Variants in TPST1 observed in about 807,000 individuals in gnomAD.
TPST1 encodes protein-tyrosine sulfotransferase 1.
A neutral mutation model predicts 34.8 loss-of-function variants in TPST1; 20 were observed. The observed-to-expected ratio is 0.57, with a 90% CI of 0.40 to 0.84. TPST1 has a LOEUF of 0.84. TPST1 is among the 40% of genes least tolerant of loss of function. The probability of loss-of-function intolerance (pLI) is 0.00; values close to 1 mark genes in which losing one functional copy is unlikely to be tolerated. For missense variants in TPST1, 353 were observed against 455.5 expected (o/e 0.78, Z 2.05); for synonymous variants, 152 against 159.4 (o/e 0.95, Z 0.35).
At chr7:66,220,898 C>G (rs1789529776) in intron 1 of TPST1, among the ~76,000 whole-genome samples, 1 of 152,102 alleles carries the variant, frequency 6.6e-6, no homozygotes, top group African/African-American at 2.4e-5. Flanking sequence ...TTTGGGAGGC[C>G]AAGGTGGGTA....
At chr7:66,258,450 T>A (rs932719237) in intron 2 of TPST1, among the ~76,000 whole-genome samples, 1 of 152,210 alleles carries the variant, frequency 6.6e-6, no homozygotes, top group Non-Finnish European at 1.5e-5. Flanking sequence ...GTTTGGAGCT[T>A]TGGCAACAGT....
intron 3 of TPST1, among the ~76,000 whole-genome samples, chr7:66,320,598 A>G (rs935463710): frequency 6.7e-6 from 1 of 149,416 alleles, no homozygotes; most frequent in Non-Finnish European, 1.5e-5. Flanking sequence ...GCATGTAGTC[A>G]TAGTTTTTTT....
chr7:66,260,978 C>G (rs1030297892), intron 2 of TPST1, among the ~76,000 whole-genome samples: 1 of 152,184 alleles, frequency 6.6e-6, no homozygotes, highest in South Asian at 2.1e-4. Flanking sequence ...CCAGAATTCT[C>G]TCTGTATACA....
chr7:66,214,652 T>TA (rs1042372580), intron 1 of TPST1, among the ~76,000 whole-genome samples: 4 of 150,462 alleles, frequency 2.7e-5, no homozygotes, highest in Admixed American at 6.6e-5. Context: ...CCCGTCTCTA[T>TA]AAAAAAATAT....
chr7:66,346,141 T>A (rs895652855), intron 3 of TPST1, among the ~76,000 whole-genome samples: 8 of 151,964 alleles, frequency 5.3e-5, no homozygotes, highest in African/African-American at 1.9e-4. Flanking sequence ...CCATCCATGT[T>A]GTTGCAGATG....
chr7:66,275,511 G>A (rs1790790049), intron 2 of TPST1, among the ~76,000 whole-genome samples: 1 of 152,272 alleles, frequency 6.6e-6, no homozygotes, highest in African/African-American at 2.4e-5. Context: ...AGAAAATGCG[G>A]CATACATACA....
At chr7:66,210,758 G>A (rs1789225536) in intron 1 of TPST1, among the ~76,000 whole-genome samples, 1 of 152,170 alleles carries the variant, frequency 6.6e-6, no homozygotes, top group Non-Finnish European at 1.5e-5. Context: ...GAGACCAGGA[G>A]TTTGAGATCA....
chr7:66,284,668 T>C (rs748127775), intron 2 of TPST1, among the ~76,000 whole-genome samples: 8 of 151,352 alleles, frequency 5.3e-5, no homozygotes, highest in Middle Eastern at 3.2e-3. Context: ...GCAATTCTCC[T>C]GCCTCAGCCT....
At chr7:66,270,090 CAAAGG>C in intron 2 of TPST1, among the ~76,000 whole-genome samples, 1 of 152,140 alleles carries the variant, frequency 6.6e-6, no homozygotes, top group East Asian at 1.9e-4. Context: ...AGCAAAGTCT[CAAAGG>C]AGGTGAGGGA....
intron 2 of TPST1, among the ~76,000 whole-genome samples, chr7:66,275,368 C>T: frequency 6.6e-6 from 1 of 152,114 alleles, no homozygotes; most frequent in East Asian, 1.9e-4. Flanking sequence ...AGCAATCCCA[C>T]TACCAGGTAT....
At chr7:66,311,578 C>T (rs115870624) in intron 3 of TPST1, among the ~76,000 whole-genome samples, 9 of 152,082 alleles carry the variant, frequency 5.9e-5, no homozygotes, top group Non-Finnish European at 8.8e-5. Flanking sequence ...TTTAAGGCTT[C>T]GATTATTAAA....
intron 3 of TPST1, among the ~76,000 whole-genome samples, chr7:66,349,352 C>T (rs1472190422): frequency 2.0e-5 from 3 of 152,174 alleles, no homozygotes. Context: ...AGGCGGATCA[C>T]CTGAGGTCAG....
chr7:66,307,674 C>T (rs1237628793), intron 3 of TPST1, among the ~76,000 whole-genome samples: 1 of 152,218 alleles, frequency 6.6e-6, no homozygotes, highest in Non-Finnish European at 1.5e-5. Context: ...TTGGCCTCTC[C>T]TGTTGGCAGG....
intron 5 of TPST1, among the ~76,000 whole-genome samples, chr7:66,357,605 G>T (rs1421119382): frequency 1.3e-5 from 2 of 152,166 alleles, no homozygotes; most frequent in South Asian, 2.1e-4. Context: ...CATGTCCAGG[G>T]ACACCAGCTC....
intron 3 of TPST1, among the ~76,000 whole-genome samples, chr7:66,303,405 G>GTATGTATGTATGTATGTATGTATC (rs1387502335): frequency 1.3e-5 from 2 of 152,006 alleles, no homozygotes; most frequent in Admixed American, 1.3e-4. Context: ...ATGTATGTAT[G>GTATGTATGTATGTATGTATGTATC]TATGTATGTA....
rs562773499 is a variant in TPST1, at chr7:66,344,117, G to A, written c.1045-8388G>A. Among the ~76,000 whole-genome samples, 3 of 152,264 alleles carry A rather than the reference G, an allele frequency of 2.0e-5. No individual in the cohort carries two copies. In the South Asian group the frequency reaches 6.2e-4, roughly 32 times the overall value. ...AAAAAAGAATAAATGACAGAACATG[G>A]CGGGGCCTGGTGGCTCACACTGTAT... On this transcript the variant is annotated intron_variant, in intron 3 of 5. Transcript: ENST00000304842.
chr7:66,203,099 C>T (rs1789048918), upstream of TPST1, among the ~76,000 whole-genome samples: 1 of 151,940 alleles, frequency 6.6e-6, no homozygotes, highest in Admixed American at 6.6e-5. Context: ...AACAAACAAA[C>T]AACAAAATTG....
chr7:66,346,659 T>A (rs1040635013), intron 3 of TPST1, among the ~76,000 whole-genome samples: 1 of 152,250 alleles, frequency 6.6e-6, no homozygotes, highest in Non-Finnish European at 1.5e-5. Flanking sequence ...TCTGATCTTT[T>A]GCCCATTTTT....
At chr7:66,296,038 A>G (rs1791184847) in intron 3 of TPST1, among the ~76,000 whole-genome samples, 1 of 152,134 alleles carries the variant, frequency 6.6e-6, no homozygotes, top group African/African-American at 2.4e-5. Context: ...ATACATGTAC[A>G]ATGCTATTTT....
Sources: gnomAD v4.1 joint callset for allele counts (sites outside exome capture counted in the v4.1 genomes callset) on GRCh38, gnomAD v4.1.1 for gene constraint, MANE v1.5 for transcripts, NCBI Gene and HGNC (gene_info 2026-07-23, HGNC 2026-07-21) for gene names.